The following ABLIM2 variants were observed in gnomAD, a reference collection of about 807,000 sequenced individuals.
The protein encoded by ABLIM2 is actin binding LIM protein family member 2.
Under a neutral mutation model 97.7 loss-of-function variants are expected in ABLIM2, and 53 were observed. The ratio of observed to expected loss-of-function variants is 0.54; its 90% CI spans 0.44 to 0.68. ABLIM2 has a LOEUF of 0.68. ABLIM2 is among the 30% of genes least tolerant of loss of function. The probability of loss-of-function intolerance (pLI) is 0.00; values close to 1 mark genes in which losing one functional copy is unlikely to be tolerated. For synonymous variants in ABLIM2, 361 were observed against 345.8 expected, an observed-to-expected ratio of 1.04 and a Z score of -0.49; for missense variants, 835 against 867.2, an observed-to-expected ratio of 0.96 and a Z score of 0.47.
At chr4:8,060,902 T>A (rs1341460891) in intron 7 of ABLIM2, 65 bp downstream of exon 7, 3 of 1,311,248 alleles carry the variant, frequency 2.3e-6, no homozygotes, top group Non-Finnish European at 3.2e-6. Flanking sequence ...ACCCAGCATG[T>A]GTGTGGACAT....
At position 8,068,172 on chromosome 4, in the gene ABLIM2, C is replaced by T. The variant is rs994130950; in HGVS notation, c.676-7118G>A. On this transcript the variant is annotated intron_variant, in intron 6 of 20. Transcript: ENST00000447017. The surrounding 1 kb of genome is among the most constrained non-coding windows in gnomAD (Gnocchi z 4.5). ...CGGCCGCTGGTTGTTCCAGTGGGCG[C>T]ACGGCTCCCCAGGCAGGCGGAAGTC... 2.0e-5 allele frequency among the ~76,000 whole-genome samples: 3 copies of T among 152,166 alleles called. No individual in the cohort carries two copies. The highest frequency in any genetic ancestry group is 2.9e-5 in the Non-Finnish European group (2 of 68,022).
chr4:8,049,043 C>T (rs1323312273), intron 8 of ABLIM2, among the ~76,000 whole-genome samples: 1 of 152,242 alleles, frequency 6.6e-6, no homozygotes, highest in African/African-American at 2.4e-5. Flanking sequence ...TCAGCCGCAG[C>T]TCCAGGAAGC....
intron 2 of ABLIM2, among the ~76,000 whole-genome samples, chr4:8,103,764 C>T (rs570940887): frequency 5.3e-4 from 81 of 152,316 alleles, no homozygotes; most frequent in Non-Finnish European, 1.0e-3. Flanking sequence ...GAGGGGGACC[C>T]GGGGCAGTTT....
chr4:8,047,363 CCTCCTCCTCCTCCTCCTCCTCCTCTTT>C (rs1039724937), intron 8 of ABLIM2, among the ~76,000 whole-genome samples: 1 of 149,702 alleles, frequency 6.7e-6, no homozygotes, highest in African/African-American at 2.5e-5. Flanking sequence ...GCCTCTTCCT[CCTCCTCCTCCTCCTCCTCCTCCTCTTT>C]CTCCTCCTCC....
At chr4:8,105,576 A>T (rs1432299994) in intron 2 of ABLIM2, among the ~76,000 whole-genome samples, 2 of 152,220 alleles carry the variant, frequency 1.3e-5, no homozygotes, top group Non-Finnish European at 2.9e-5. Flanking sequence ...GAAAAAAGCA[A>T]ACCGTCAGCG....
At position 8,082,971 on chromosome 4, in the gene ABLIM2, C is replaced by T. The variant is rs1820883469; in HGVS notation, c.455-2169G>A. ...GGCTCTCAACTTGGGGCACTTTTGC[C>T]CAAGAGACATTTGGCAATGTCTGGC... On this transcript the variant is annotated intron_variant, in intron 4 of 20. Transcript: ENST00000447017. This position sits in a 1 kb window ranked among gnomAD's most constrained non-coding sequence, Gnocchi z 5.6. Among the ~76,000 whole-genome samples the T allele has an allele frequency of 6.6e-6, 1 of 152,124 alleles. No homozygotes were observed. The highest frequency in any genetic ancestry group is 2.1e-4 in the South Asian group (1 of 4,828).
intron 11 of ABLIM2, among the ~76,000 whole-genome samples, chr4:8,029,096 C>A (rs1043449152): frequency 1.3e-5 from 2 of 152,110 alleles, no homozygotes; most frequent in Admixed American, 1.3e-4. Context: ...CAAGGTGACA[C>A]GTGTGGAAAG....
chr4:7,977,085 TG>T lies in ABLIM2; in HGVS notation c.1824+6178del, dbSNP rs200639423. On this transcript the variant is annotated intron_variant, in intron 20 of 20. Coordinates refer to ENST00000447017, the MANE Select transcript of ABLIM2 (RefSeq NM_001130083.2). ...GACCTGGTGGGAGGTGATTGGGTCC[TG>T]GGGGTGGTTTCCCCCATGCTGTTCT... Among the ~76,000 whole-genome samples the T allele has an allele frequency of 9.2e-3, 1,397 of 152,284 alleles. 13 individuals carry two copies. The highest frequency in any genetic ancestry group is 0.03 in the African/African-American group (1,254 of 41,556).
chr4:8,085,542 C>G lies in ABLIM2; in HGVS notation c.454+2627G>C, dbSNP rs1473214266. On this transcript the variant is annotated intron_variant, in intron 4 of 20. Coordinates refer to ENST00000447017, the MANE Select transcript of ABLIM2 (RefSeq NM_001130083.2). The surrounding 1 kb of genome is among the most constrained non-coding windows in gnomAD (Gnocchi z 6.1). ...GCTCTGGGGGTGCCCACGCTGCAGC[C>G]CCGTCCACTCACATGGCTCTGGGGG... Among the ~76,000 whole-genome samples the G allele has an allele frequency of 2.0e-5, 3 of 150,230 alleles. No individual in the cohort carries two copies. Among genetic ancestry groups the G allele is most frequent in the Non-Finnish European group, 4.4e-5 (3 of 67,550 alleles).
At position 7,966,775 on chromosome 4, in the gene ABLIM2, G is replaced by A; in HGVS notation, c.*215C>T. Reference sequence around the variant, plus strand: ...CTCCCTGACACCAAGCCACAGCGGGGAAGGGTGGCGTGAAGCTAGCCGTCT... The same window carrying A: ...CTCCCTGACACCAAGCCACAGCGGGAAAGGGTGGCGTGAAGCTAGCCGTCT... On this transcript the variant is annotated 3_prime_UTR_variant, in exon 21 of 21. Coordinates refer to ENST00000447017, the MANE Select transcript of ABLIM2 (RefSeq NM_001130083.2). 1 of 561,422 alleles carries A rather than the reference G, an allele frequency of 1.8e-6. No homozygotes were observed. The highest frequency in any genetic ancestry group is 3.2e-6 in the Non-Finnish European group (1 of 314,510). The allele number at this position is 561,422 out of a possible 1,614,324, so 34.8% of individuals were successfully genotyped here.
intron 6 of ABLIM2, among the ~76,000 whole-genome samples, chr4:8,076,001 G>C (rs1010397073): frequency 2.0e-5 from 3 of 152,220 alleles, no homozygotes; most frequent in Non-Finnish European, 4.4e-5. Flanking sequence ...TTTCTTCTTA[G>C]CACCTCTCTG....
chr4:8,036,778 G>A (rs1445277669), intron 9 of ABLIM2, among the ~76,000 whole-genome samples: 1 of 152,210 alleles, frequency 6.6e-6, no homozygotes, highest in Admixed American at 6.5e-5. Flanking sequence ...CAGGCAGTGA[G>A]ACTCAGTCCA....
At chr4:8,047,939 C>T (rs563580214) in intron 8 of ABLIM2, among the ~76,000 whole-genome samples, 30 of 152,214 alleles carry the variant, frequency 2.0e-4, no homozygotes, top group Admixed American at 5.9e-4. Flanking sequence ...TCTCTGAAGC[C>T]GAGCACACCA....
chr4:8,153,033 T>C (rs1713613361), intron 1 of ABLIM2, among the ~76,000 whole-genome samples: 1 of 152,154 alleles, frequency 6.6e-6, no homozygotes. Context: ...GAAGGGACTA[T>C]GGAATCTAGG....
In ABLIM2 at chr4:8,002,242, G is replaced by A. The variant is rs1012960056; in HGVS notation, c.1618+5817C>T. 6.6e-6 allele frequency among the ~76,000 whole-genome samples: 1 copy of A among 152,244 alleles called. No individual in the cohort carries two copies. Among genetic ancestry groups the A allele is most frequent in the African/African-American group, 2.4e-5 (1 of 41,550 alleles). On this transcript the variant is annotated intron_variant, in intron 16 of 20. Transcript: ENST00000447017. The surrounding 1 kb of genome is among the most constrained non-coding windows in gnomAD (Gnocchi z 6.1). The stretch of plus-strand genomic sequence containing the variant: ...CCCCCGGACGTCTCAGGCTCTCCAA[G>A]CCAACATGAAGACACCCACCTGTTC...
Position 8,002,916 on chromosome 4 carries a change from T to C in ABLIM2, c.1618+5143A>G, listed in dbSNP as rs543279536. ...GTCTCTCTGCACTGACTACTTACTGTATTTGAAAGTGCACCCTTCCCCCAG... is the reference window on the plus strand; with the variant it reads ...GTCTCTCTGCACTGACTACTTACTGCATTTGAAAGTGCACCCTTCCCCCAG... On this transcript the variant is annotated intron_variant, in intron 16 of 20. Coordinates refer to ENST00000447017, the MANE Select transcript of ABLIM2 (RefSeq NM_001130083.2). This position sits in a 1 kb window ranked among gnomAD's most constrained non-coding sequence, Gnocchi z 6.1. 1.0e-3 allele frequency among the ~76,000 whole-genome samples: 159 copies of C among 152,294 alleles called. 1 individual carries two copies. Among genetic ancestry groups the C allele is most frequent in the Non-Finnish European group, 4.1e-4 (28 of 68,016 alleles).
rs1433241087 is a variant in ABLIM2, at chr4:8,124,302, G to C, written c.11-17665C>G. Among the ~76,000 whole-genome samples, 1 of 152,168 alleles carries C rather than the reference G, an allele frequency of 6.6e-6. No homozygotes were observed. The highest frequency in any genetic ancestry group is 1.5e-5 in the Non-Finnish European group (1 of 68,028). ...ACATAGCCGTACAATTTGCCTGTTT[G>C]GAATGCACACTCAATGGCTTTTGGT... On this transcript the variant is annotated intron_variant, in intron 1 of 20. Coordinates refer to ENST00000447017, the MANE Select transcript of ABLIM2 (RefSeq NM_001130083.2). This position sits in a 1 kb window ranked among gnomAD's most constrained non-coding sequence, Gnocchi z 6.1.
chr4:8,017,159 G>A (rs1164696176), intron 14 of ABLIM2, among the ~76,000 whole-genome samples: 1 of 152,138 alleles, frequency 6.6e-6, no homozygotes, highest in Non-Finnish European at 1.5e-5. Context: ...ATGCTGGTGG[G>A]TGCGAGGCCT....
chr4:8,119,809 T>C (rs1481858414), intron 1 of ABLIM2, among the ~76,000 whole-genome samples: 3 of 152,120 alleles, frequency 2.0e-5, no homozygotes, highest in Admixed American at 6.5e-5. Flanking sequence ...CTTTGTGAAG[T>C]TGGGGCTTTT....
Sources: allele counts gnomAD v4.1 joint callset (sites outside exome capture counted in the v4.1 genomes callset), GRCh38; gene constraint gnomAD v4.1.1; non-coding constraint Gnocchi (gnomAD v3.1); transcripts MANE v1.5; gene names NCBI Gene and HGNC (gene_info 2026-07-23, HGNC 2026-07-21).